Variants in QRICH1 observed in about 807,000 individuals in gnomAD.
QRICH1 encodes the protein transcriptional regulator QRICH1.
Under a neutral mutation model 87.1 loss-of-function variants are expected in QRICH1, and 16 were observed. The observed-to-expected ratio is 0.18, with a 90% confidence interval of 0.12 to 0.28. The LOEUF is 0.28. Among genes scored for constraint, QRICH1 ranks in the 10% least tolerant of loss-of-function variants. The probability of loss-of-function intolerance (pLI) is 1.00; values close to 1 mark genes in which losing one functional copy is unlikely to be tolerated. For missense variants in QRICH1, 647 were observed against 951.7 expected (o/e 0.68, Z 4.21); for synonymous variants, 367 against 368.4 (o/e 1.00, Z 0.05).
intron 2 of QRICH1, among the ~76,000 whole-genome samples, chr3:49,070,372 T>C (rs2093494023): frequency 1.3e-5 from 2 of 152,050 alleles, no homozygotes; most frequent in African/African-American, 4.8e-5. Flanking sequence ...TATTCTCTTT[T>C]ATCAATTTCT....
intron 2 of QRICH1, among the ~76,000 whole-genome samples, chr3:49,060,833 T>C (rs943516181): frequency 1.3e-5 from 2 of 152,006 alleles, no homozygotes; most frequent in Admixed American, 1.3e-4. Context: ...ATGCTCCTTA[T>C]TAGAATCTAA....
intron 2 of QRICH1, among the ~76,000 whole-genome samples, chr3:49,059,198 C>T (rs2093420630): frequency 6.6e-6 from 1 of 151,828 alleles, no homozygotes; most frequent in Admixed American, 6.6e-5. Flanking sequence ...ATCTCCTGAC[C>T]TCGTGATCCG....
intron 1 of QRICH1, 117 bp from the exon 2 acceptor site, chr3:49,077,155 A>G: frequency 3.5e-6 from 2 of 570,274 alleles, no homozygotes; most frequent in Non-Finnish European, 5.4e-6. Context: ...TATAGAATCA[A>G]AAAATAAAGT....
At chr3:49,034,001 CAAAAAAACA>C (rs550263174) in intron 6 of QRICH1, among the ~76,000 whole-genome samples, 5 of 149,948 alleles carry the variant, frequency 3.3e-5, no homozygotes, top group African/African-American at 9.8e-5. Context: ...AACAAAAAAA[CAAAAAAACA>C]AAAAAAACAA....
chr3:49,031,072 C>T (rs1222118986), intron 9 of QRICH1, among the ~76,000 whole-genome samples: 2 of 151,424 alleles, frequency 1.3e-5, no homozygotes, highest in African/African-American at 2.4e-5. Context: ...CTGCAACCTC[C>T]GCCCCCTTGG....
chr3:49,030,789 A>G (rs2093232229), intron 9 of QRICH1, 145 bp from the exon 10 acceptor site: 3 of 719,430 alleles, frequency 4.2e-6, no homozygotes, highest in Non-Finnish European at 6.6e-6. Flanking sequence ...GCCACCACAC[A>G]CTACATCCTG....
At chr3:49,082,388 C>T (rs1356597333) in intron 1 of QRICH1, among the ~76,000 whole-genome samples, 4 of 152,120 alleles carry the variant, frequency 2.6e-5, no homozygotes, top group Non-Finnish European at 5.9e-5. Flanking sequence ...AATTCTGCTG[C>T]CTATGTCATC....
At chr3:49,034,073 G>C (rs2106817009) in intron 6 of QRICH1, among the ~76,000 whole-genome samples, 1 of 105,684 alleles carries the variant, frequency 9.5e-6, no homozygotes, top group South Asian at 4.0e-4. Flanking sequence ...ATACTCTTTG[G>C]GGGATTTTAT....
intron 2 of QRICH1, among the ~76,000 whole-genome samples, chr3:49,067,552 A>T (rs750946238): frequency 1.3e-5 from 2 of 152,012 alleles, no homozygotes; most frequent in Admixed American, 1.3e-4. Flanking sequence ...TAGGTGAAAG[A>T]GCAAAACTCT....
Position 49,030,650 on chromosome 3 carries a change from G to A in QRICH1, c.2139-6C>T. On this transcript the variant is annotated splice_polypyrimidine_tract_variant and splice_region_variant and intron_variant, in intron 9 of 9. Transcript: ENST00000395443. ...GGCCTTTCACACTCTGGGGGCTGAA[G>A]AATATGCGGATAAAAGTTGGGTACC... The A allele has an allele frequency of 6.5e-7, 1 of 1,547,936 alleles. No homozygotes were observed.
chr3:49,084,677 T>C lies in QRICH1; in HGVS notation c.-21-7639A>G, dbSNP rs1034647814. ...TACTCTAGAGGCTGAGGCAGGAGAA[T>C]TGCTTGAATCCGGGAGGCGGAGGTT... On this transcript the variant is annotated intron_variant, in intron 1 of 9. Transcript: ENST00000395443. Among the ~76,000 whole-genome samples the C allele has an allele frequency of 2.6e-5, 4 of 151,770 alleles. No homozygotes were observed. The East Asian group carries it at 5.9e-4, about 22-fold the overall frequency.
In QRICH1 at chr3:49,076,786, A is replaced by C; in HGVS notation, c.232T>G (p.Cys78Gly). ...EVAGSLLELA[C>G]PVTTSVQPQT... ...GGCTGAACACTGGTGGTGACTGGACAGGCAAGTTCAAGCAAAGACCCAGCC... is the reference window on the plus strand; with the variant it reads ...GGCTGAACACTGGTGGTGACTGGACCGGCAAGTTCAAGCAAAGACCCAGCC... Residue 78 changes from cysteine (C) to glycine (G), a missense_variant, in exon 2 of 10, where the codon TGT (cysteine) becomes GGT (glycine). Cys to Gly is a radical substitution (Grantham distance 159). This residue lies in a region of QRICH1 where 56 missense variants were observed against 109.6 expected (regional missense o/e 0.51). Coordinates refer to ENST00000395443, the MANE Select transcript of QRICH1 (RefSeq NM_198880.3). The C allele has an allele frequency of 6.2e-7, 1 of 1,612,058 alleles. No homozygotes were observed. Among genetic ancestry groups the C allele is most frequent in the Non-Finnish European group, 8.5e-7 (1 of 1,178,804 alleles).
At chr3:49,034,520 C>T (rs1327433686) in intron 6 of QRICH1, among the ~76,000 whole-genome samples, 1 of 151,980 alleles carries the variant, frequency 6.6e-6, no homozygotes, top group Non-Finnish European at 1.5e-5. Context: ...ACAATCATGG[C>T]TAACTGCAGC....
intron 1 of QRICH1, among the ~76,000 whole-genome samples, chr3:49,083,005 G>A (rs773829799): frequency 5.3e-5 from 8 of 151,632 alleles, no homozygotes; most frequent in Non-Finnish European, 8.8e-5. Flanking sequence ...TCGGGAGTTC[G>A]AGACCAGCCT....
At chr3:49,046,650 G>C (rs2093341043) in intron 4 of QRICH1, 71 bp from the exon 5 acceptor site, 3 of 1,504,078 alleles carry the variant, frequency 2.0e-6, no homozygotes, top group Non-Finnish European at 2.7e-6. Context: ...AACAGATACT[G>C]CCCATCAGGG....
chr3:49,078,159 TGTTCCCTTGAGCAATCA>T (rs2041987688), intron 1 of QRICH1, among the ~76,000 whole-genome samples: 2 of 152,174 alleles, frequency 1.3e-5, no homozygotes, highest in Admixed American at 1.3e-4. Flanking sequence ...AAAGGTGATT[TGTTCCCTTGAGCAATCA>T]GGATAGATAC....
At chr3:49,072,463 T>A (rs186574633) in intron 2 of QRICH1, among the ~76,000 whole-genome samples, 1 of 149,304 alleles carries the variant, frequency 6.7e-6, no homozygotes, top group East Asian at 2.0e-4. Flanking sequence ...GAGGCTGGGG[T>A]TGCAGTGAGC....
intron 1 of QRICH1, among the ~76,000 whole-genome samples, chr3:49,081,235 G>A (rs1282398220): frequency 6.6e-6 from 1 of 151,896 alleles, no homozygotes; most frequent in Non-Finnish European, 1.5e-5. Flanking sequence ...TGGCCAACAT[G>A]GTGAAACCCT....
At chr3:49,056,669 G>T in intron 3 of QRICH1, 193 bp downstream of exon 3, 1 of 1,064,886 alleles carries the variant, frequency 9.4e-7, no homozygotes, top group Non-Finnish European at 1.4e-6. Flanking sequence ...TTTACCTCCA[G>T]GTACCAGGAT....
Sources: allele counts gnomAD v4.1 joint callset (sites outside exome capture counted in the v4.1 genomes callset), GRCh38; gene constraint gnomAD v4.1.1; regional missense constraint gnomAD v4.1.1; transcripts MANE v1.5; gene names NCBI Gene and HGNC (gene_info 2026-07-23, HGNC 2026-07-21).